Variants in PGR observed in about 807,000 individuals in gnomAD.
The protein encoded by PGR is progesterone receptor, also known as nuclear receptor subfamily 3 group C member 3.
PGR carries 25 observed loss-of-function variants against 76.1 expected under a neutral mutation model. The ratio of observed to expected loss-of-function variants is 0.33; its 90% CI spans 0.24 to 0.46. The LOEUF is 0.46. PGR is among the 20% of genes least tolerant of loss of function. The pLI is 1.00. For missense variants in PGR, 1,172 were observed against 1,225.3 expected (o/e 0.96, Z 0.65); for synonymous variants, 579 against 535.0 (o/e 1.08, Z -1.14).
chr11:101,039,378 C>A, intron 7 of PGR, 107 bp from the exon 8 acceptor site: 3 of 863,454 alleles, frequency 3.5e-6, no homozygotes, highest in Non-Finnish European at 5.5e-6. Flanking sequence ...ATAAATACTT[C>A]TCAAGGTGTT....
At chr11:101,103,098 G>T (rs1352219608) in intron 2 of PGR, among the ~76,000 whole-genome samples, 4 of 151,314 alleles carry the variant, frequency 2.6e-5, no homozygotes, top group African/African-American at 9.7e-5. Flanking sequence ...CTGATTCACA[G>T]CAGGAGGTGA....
rs1297389661 is a variant in PGR, at chr11:101,075,287, A to G, written c.1907-12535T>C. Among the ~76,000 whole-genome samples, 9 of 152,228 alleles carry G rather than the reference A, an allele frequency of 5.9e-5. No individual in the cohort carries two copies. In the East Asian group the frequency reaches 1.5e-3, roughly 26 times the overall value. On this transcript the variant is annotated intron_variant, in intron 3 of 7. Coordinates refer to ENST00000325455, the MANE Select transcript of PGR (RefSeq NM_000926.4). ...GCCATATACAGAAAATTGAAAGTGG[A>G]CCCCTTCCTTACACCTTATACAAAA...
At chr11:101,042,712 T>C (rs1318382429) in intron 6 of PGR, among the ~76,000 whole-genome samples, 1 of 152,176 alleles carries the variant, frequency 6.6e-6, no homozygotes, top group Non-Finnish European at 1.5e-5. Flanking sequence ...CTTGGAGATA[T>C]AGCCGGTTTG....
intron 6 of PGR, among the ~76,000 whole-genome samples, chr11:101,043,009 G>T (rs1859744763): frequency 1.3e-5 from 2 of 152,074 alleles, no homozygotes; most frequent in South Asian, 4.1e-4. Flanking sequence ...TGAAGGTTGG[G>T]GTGGCTATGA....
chr11:101,051,030 T>A (rs1860069842), intron 5 of PGR: 1 of 195,932 alleles, frequency 5.1e-6, no homozygotes, highest in African/African-American at 2.4e-5. Context: ...ATTGAAATAT[T>A]TATCTTTCAA....
rs729835 is a variant in PGR, at chr11:101,092,847, C to T, written c.1790-971G>A. 1.8e-3 allele frequency among the ~76,000 whole-genome samples: 280 copies of T among 152,226 alleles called. 1 individual carries two copies. Among genetic ancestry groups the T allele is most frequent in the South Asian group, 3.7e-3 (18 of 4,832 alleles). On this transcript the variant is annotated intron_variant, in intron 2 of 7. Transcript: ENST00000325455. The stretch of plus-strand genomic sequence containing the variant: ...ATCAGCCTACTTCAGCCTACTTATA[C>T]TGCTGAAGCATGACACATAATTTTA...
chr11:101,124,151 C>T (rs580512), intron 2 of PGR, among the ~76,000 whole-genome samples: 147,681 of 152,328 alleles, frequency 0.97, 71,594 homozygotes, highest in East Asian at 0.99. Context: ...TTTGTAATTA[C>T]TGCTAAATAA....
At chr11:101,114,980 T>C (rs1032877958) in intron 2 of PGR, among the ~76,000 whole-genome samples, 9 of 152,208 alleles carry the variant, frequency 5.9e-5, no homozygotes, top group African/African-American at 2.2e-4. Context: ...TTTCTTGACC[T>C]TCTGTTTTAT....
Position 101,127,596 on chromosome 11 carries a change from C to T in PGR, c.1475G>A (p.Arg492Gln). Residue 492 changes from arginine (R) to glutamine (Q), a missense_variant, in exon 1 of 8, where the codon CGG becomes CAG. Transcript: ENST00000325455. ...APGASGCLLP[R>Q]DGLPSTSASA... is the part of the protein sequence containing the mutation. ...GGCGGAGGTGGAGGGCAGGCCGTCC[C>T]GCGGGAGCAGGCAGCCGCTCGCGCC... 7.7e-7 allele frequency: 1 copy of T among 1,304,664 alleles called. No homozygotes were observed. The highest frequency in any genetic ancestry group is 9.7e-7 in the Non-Finnish European group (1 of 1,035,618). The allele number at this position is 1,304,664 out of a possible 1,614,324, so 80.8% of individuals were successfully genotyped here.
At chr11:101,127,410 G>A (rs1392551045) in intron 1 of PGR, 24 bp downstream of exon 1, 27 of 1,513,646 alleles carry the variant, frequency 1.8e-5, no homozygotes, top group Non-Finnish European at 2.4e-5. Context: ...GACGCGCTGG[G>A]CGTGCCCCGT....
chr11:101,044,322 C>T (rs942855600), intron 6 of PGR, among the ~76,000 whole-genome samples: 1 of 152,164 alleles, frequency 6.6e-6, no homozygotes, highest in African/African-American at 2.4e-5. Flanking sequence ...TTTTTCTGCT[C>T]CTTCCTTACA....
intron 3 of PGR, among the ~76,000 whole-genome samples, chr11:101,085,550 A>AC (rs1861469018): frequency 6.9e-6 from 1 of 145,654 alleles, no homozygotes; most frequent in Non-Finnish European, 1.5e-5. Flanking sequence ...AAAAAAAAAA[A>AC]CAAGAACAAA....
At position 101,033,549 on chromosome 11, in the gene PGR, G is replaced by A. The variant is rs902563110; in HGVS notation, c.*5567C>T. The stretch of plus-strand genomic sequence containing the variant: ...AGGCTGCACAAAATATATCAAATCT[G>A]TGTGGATATAATTGTTATTCATGCT... On this transcript the variant is annotated 3_prime_UTR_variant, in exon 8 of 8. Coordinates refer to ENST00000325455, the MANE Select transcript of PGR (RefSeq NM_000926.4). The A allele has an allele frequency of 1.0e-5, 2 of 193,570 alleles. No homozygotes were observed. The highest frequency in any genetic ancestry group is 6.1e-5 in the Admixed American group (1 of 16,384). 12.0% of individuals were successfully genotyped at this position (193,570 alleles called of 1,614,324 possible).
rs2135369934 is a variant in PGR at position 101,034,998 on chromosome 11, AG to A, written c.*4117del. On this transcript the variant is annotated 3_prime_UTR_variant, in exon 8 of 8. Coordinates refer to ENST00000325455, the MANE Select transcript of PGR (RefSeq NM_000926.4). ...TTTCATTAAAATGATTTCATGACTT[AG>A]TGAAGTAAGGATAAGCAATTTAGGA... 1 of 197,438 alleles carries A rather than the reference AG, an allele frequency of 5.1e-6. No individual in the cohort carries two copies. Among genetic ancestry groups the A allele is most frequent in the South Asian group, 1.9e-4 (1 of 5,242 alleles). The allele number at this position is 197,438 out of a possible 1,614,324, so 12.2% of individuals were successfully genotyped here.
At chr11:101,115,161 A>G (rs1019888386) in intron 2 of PGR, among the ~76,000 whole-genome samples, 1 of 152,066 alleles carries the variant, frequency 6.6e-6, no homozygotes, top group African/African-American at 2.4e-5. Context: ...CTTTAGCCAA[A>G]TTGTCCTTCT....
intron 3 of PGR, among the ~76,000 whole-genome samples, chr11:101,064,533 T>A (rs977863946): frequency 6.6e-6 from 1 of 151,924 alleles, no homozygotes; most frequent in South Asian, 2.1e-4. Context: ...TTATGGAGTA[T>A]ATAGCATATG....
intron 4 of PGR, among the ~76,000 whole-genome samples, chr11:101,052,473 C>T (rs1211434666): frequency 6.6e-6 from 1 of 152,042 alleles, no homozygotes; most frequent in Non-Finnish European, 1.5e-5. Context: ...AAGGGAAGAT[C>T]ACCAGTTCAA....
intron 6 of PGR, among the ~76,000 whole-genome samples, chr11:101,046,292 A>ATTTTTTTTT (rs540943297): frequency 3.0e-5 from 2 of 66,294 alleles, no homozygotes; most frequent in African/African-American, 7.5e-5. Context: ...CGCCTGGCTA[A>ATTTTTTTTT]TTTTTTTTTT....
rs755751787 is a variant in PGR, at chr11:101,127,850, G to C, written c.1221C>G (p.Ala407=). ...CCGGGAAGGCTGCGGGGTTGGCACC[G>C]GCCACAAGGTAGGAACGCGGGGAGC... The part of the protein sequence containing the change: ...SARSPRSYLV[A]GANPAAFPDF... The change falls in exon 1 of 8, where the codon GCC becomes GCG. Residue 407 remains alanine (A), a synonymous_variant. Transcript: ENST00000325455. 1 of 1,591,488 alleles carries C rather than the reference G, an allele frequency of 6.3e-7. No individual in the cohort carries two copies. Among genetic ancestry groups the C allele is most frequent in the Non-Finnish European group, 8.5e-7 (1 of 1,174,526 alleles).
Sources: allele counts gnomAD v4.1 joint callset (sites outside exome capture counted in the v4.1 genomes callset), GRCh38; gene constraint gnomAD v4.1.1; transcripts MANE v1.5; gene names NCBI Gene and HGNC (gene_info 2026-07-23, HGNC 2026-07-21).